NDUFC2: variants seen among roughly 807,000 people sequenced by gnomAD.
The protein encoded by NDUFC2 is NADH:ubiquinone oxidoreductase subunit C2.
In NDUFC2, 2 loss-of-function variants were observed where a neutral mutation model predicts 10.1. That is an observed-to-expected ratio of 0.20 (90% CI 0.08 to 0.62). The LOEUF (loss-of-function observed/expected upper bound fraction) is 0.62. NDUFC2 is among the 20% of genes least tolerant of loss of function. The pLI is 0.87. For synonymous variants in NDUFC2, 61 were observed against 63.6 expected (o/e 0.96, Z 0.20); for missense variants, 156 against 159.6 (o/e 0.98, Z 0.12).
intron 2 of NDUFC2, among the ~76,000 whole-genome samples, chr11:78,071,512 T>A (rs1228944230): frequency 6.6e-6 from 1 of 152,208 alleles, no homozygotes; most frequent in African/African-American, 2.4e-5. Flanking sequence ...ATTTTTTCTA[T>A]ACTCATTCAT....
chr11:78,076,266 C>G (rs530228453), intron 1 of NDUFC2, among the ~76,000 whole-genome samples: 2 of 152,090 alleles, frequency 1.3e-5, no homozygotes, highest in Non-Finnish European at 2.9e-5. Flanking sequence ...CTCTGCCTCC[C>G]GAGTAGCTGG....
chr11:78,069,855 T>C lies in NDUFC2; in HGVS notation c.*132A>G. On this transcript the variant is annotated 3_prime_UTR_variant, in exon 3 of 3. Transcript: ENST00000281031. Reference sequence around the variant, plus strand: ...TTACAACAATAAAGAGTCAGAGTACTCATGGTACGTATTTTAATTACAAGG... The same window carrying C: ...TTACAACAATAAAGAGTCAGAGTACCCATGGTACGTATTTTAATTACAAGG... The C allele has an allele frequency of 3.2e-6, 5 of 1,582,300 alleles. No homozygotes were observed. The highest frequency in any genetic ancestry group is 4.3e-6 in the Non-Finnish European group (5 of 1,157,488).
intron 1 of NDUFC2, among the ~76,000 whole-genome samples, chr11:78,073,349 G>C (rs1356518667): frequency 6.6e-6 from 1 of 151,728 alleles, no homozygotes. Flanking sequence ...AAATTTGGCT[G>C]GGGGTGGTGG....
chr11:78,074,737 G>A (rs1859167696), intron 1 of NDUFC2, among the ~76,000 whole-genome samples: 1 of 152,126 alleles, frequency 6.6e-6, no homozygotes, highest in African/African-American at 2.4e-5. Flanking sequence ...ATATTCCTAT[G>A]TTCTAGAACT....
chr11:78,076,793 T>C (rs998616565), intron 1 of NDUFC2, among the ~76,000 whole-genome samples: 4 of 152,182 alleles, frequency 2.6e-5, no homozygotes, highest in Non-Finnish European at 5.9e-5. Context: ...CGAGATTAAG[T>C]GGTACATACG....
At chr11:78,071,254 A>T (rs896831480) in intron 2 of NDUFC2, among the ~76,000 whole-genome samples, 3 of 127,746 alleles carry the variant, frequency 2.3e-5, no homozygotes, top group Non-Finnish European at 4.9e-5. Context: ...TAACAGAAGA[A>T]TTTTTTTTTT....
At chr11:78,075,568 T>C (rs538141307) in intron 1 of NDUFC2, among the ~76,000 whole-genome samples, 3 of 152,334 alleles carry the variant, frequency 2.0e-5, no homozygotes, top group African/African-American at 7.2e-5. Flanking sequence ...ATTTCATTGA[T>C]AGAAATTCAT....
intron 1 of NDUFC2, among the ~76,000 whole-genome samples, chr11:78,078,558 T>C (rs1356648423): frequency 1.3e-5 from 2 of 151,926 alleles, no homozygotes; most frequent in Non-Finnish European, 2.9e-5. Context: ...GTGGTTATTA[T>C]CAGAATAGTC....
intron 1 of NDUFC2, among the ~76,000 whole-genome samples, chr11:78,073,366 C>T (rs1206017216): frequency 6.6e-6 from 1 of 151,888 alleles, no homozygotes; most frequent in Non-Finnish European, 1.5e-5. Flanking sequence ...GTGGCGGGTG[C>T]CTGTAGTCTC....
chr11:78,070,785 C>T (rs1040856554), intron 2 of NDUFC2, among the ~76,000 whole-genome samples: 3 of 152,190 alleles, frequency 2.0e-5, no homozygotes, highest in Admixed American at 1.3e-4. Context: ...TCAAGCTCTC[C>T]GGGCTCCCAC....
intron 1 of NDUFC2, among the ~76,000 whole-genome samples, chr11:78,075,690 T>C (rs953472088): frequency 6.6e-6 from 1 of 152,156 alleles, no homozygotes; most frequent in Non-Finnish European, 1.5e-5. Flanking sequence ...GCTCAAGTGA[T>C]CCTCTTACTT....
chr11:78,078,789 A>C (rs1314734715), intron 1 of NDUFC2, among the ~76,000 whole-genome samples: 1 of 125,800 alleles, frequency 7.9e-6, no homozygotes, highest in Admixed American at 1.0e-4. Context: ...GCAATGGTGC[A>C]ATCTCGGCTT....
chr11:78,072,821 AG>A (rs1859066667), intron 2 of NDUFC2, 176 bp downstream of exon 2: 1 of 891,978 alleles, frequency 1.1e-6, no homozygotes, highest in African/African-American at 1.7e-5. Flanking sequence ...TGCTGTCCAA[AG>A]GACACGGAGG....
In NDUFC2 at chr11:78,073,003, TC is replaced by T. The variant is rs1450198842; in HGVS notation, c.304del (p.Glu102LysfsTer43). 1 of 1,610,236 alleles carries T rather than the reference TC, an allele frequency of 6.2e-7. No individual in the cohort carries two copies. Among genetic ancestry groups the T allele is most frequent in the Non-Finnish European group, 8.5e-7 (1 of 1,179,326 alleles). On this transcript the variant is annotated frameshift_variant, in exon 2 of 3. Coordinates refer to ENST00000281031, the MANE Select transcript of NDUFC2 (RefSeq NM_004549.6). LOFTEE classifies it high-confidence loss of function. The part of the protein sequence containing the change: ...YMKLHPEDFP[E>X]EDKKTYGEIF... ...CTAAAATTAACTTGAAATACCTTCT[TC>T]AGGAAAATCCTCTGGATGTAATTTC...
At position 78,079,658 on chromosome 11, in the gene NDUFC2, C is replaced by A. The variant is rs761755226; in HGVS notation, c.87G>T (p.Arg29=). Residue 29 remains arginine (R), a synonymous_variant, in exon 1 of 3, where the codon CGG becomes CGT. Coordinates refer to ENST00000281031, the MANE Select transcript of NDUFC2 (RefSeq NM_004549.6). ...SLPPPKLTDP[R]LLYIGFLGYC... ...AGCCCAAGAAGCCGATGTAGAGGAG[C>A]CGCGGGTCGGTCAGCTTGGGCGGGG... 4 of 1,603,518 alleles carry A rather than the reference C, an allele frequency of 2.5e-6. No homozygotes were observed. Among genetic ancestry groups the A allele is most frequent in the Admixed American group, 1.7e-5 (1 of 58,388 alleles).
chr11:78,071,245 A>C (rs1281359458), intron 2 of NDUFC2, among the ~76,000 whole-genome samples: 6 of 150,282 alleles, frequency 4.0e-5, no homozygotes. Flanking sequence ...CATTTACATT[A>C]ACAGAAGAAT....
chr11:78,069,819 A>C lies in NDUFC2; in HGVS notation c.*168T>G. The C allele has an allele frequency of 7.0e-7, 1 of 1,432,848 alleles. No homozygotes were observed. Among genetic ancestry groups the C allele is most frequent in the South Asian group, 1.3e-5 (1 of 78,446 alleles). 88.8% of individuals were successfully genotyped at this position (1,432,848 alleles called of 1,614,324 possible). A position where few individuals can be genotyped will look rare whatever the true frequency, so the allele number is the denominator to read the frequency against. ...GGAAACTGACCATTCTCTGATGATGAACTATTTTTCTTACAACAATAAAGA... is the reference window on the plus strand; with the variant it reads ...GGAAACTGACCATTCTCTGATGATGCACTATTTTTCTTACAACAATAAAGA... On this transcript the variant is annotated 3_prime_UTR_variant, in exon 3 of 3. Transcript: ENST00000281031.
At position 78,069,672 on chromosome 11, in the gene NDUFC2, T is replaced by G; in HGVS notation, c.*315A>C. On this transcript the variant is annotated 3_prime_UTR_variant, in exon 3 of 3. Transcript: ENST00000281031. ...AGCATGGCAGTCGCCATAAACAACATGTAAACAAATGAGCATGGCTGTGTT... is the reference window on the plus strand; with the variant it reads ...AGCATGGCAGTCGCCATAAACAACAGGTAAACAAATGAGCATGGCTGTGTT... 1.7e-6 allele frequency: 1 copy of G among 584,412 alleles called. No individual in the cohort carries two copies. Among genetic ancestry groups the G allele is most frequent in the Non-Finnish European group, 3.0e-6 (1 of 337,754 alleles). The allele number at this position is 584,412 out of a possible 1,614,324, so 36.2% of individuals were successfully genotyped here.
At chr11:78,079,056 C>T (rs1333200164) in intron 1 of NDUFC2, among the ~76,000 whole-genome samples, 2 of 148,666 alleles carry the variant, frequency 1.3e-5, no homozygotes, top group Non-Finnish European at 3.0e-5. Flanking sequence ...GACACCTATG[C>T]TATTCGTATG....
Sources: gnomAD v4.1 joint callset for allele counts (sites outside exome capture counted in the v4.1 genomes callset) on GRCh38, gnomAD v4.1.1 for gene constraint, MANE v1.5 for transcripts, NCBI Gene and HGNC (gene_info 2026-07-23, HGNC 2026-07-21) for gene names.